The following SLIT3 variants were observed in gnomAD, a reference collection of about 807,000 sequenced individuals.
SLIT3 encodes the protein slit homolog 3 protein.
Under a neutral mutation model 184.0 loss-of-function variants are expected in SLIT3, and 68 were observed. The ratio of observed to expected loss-of-function variants is 0.37; its 90% CI spans 0.30 to 0.45. The LOEUF (loss-of-function observed/expected upper bound fraction) is 0.45, where lower values mean the gene tolerates loss of function less well. Among genes scored for constraint, SLIT3 ranks in the 20% least tolerant of loss-of-function variants. The pLI is 1.00. For synonymous variants in SLIT3, 831 were observed against 828.6 expected (o/e 1.00, Z -0.05); for missense variants, 1,707 against 2,026.0 (o/e 0.84, Z 3.02).
At chr5:169,105,482 A>G (rs2113241899) in intron 4 of SLIT3, among the ~76,000 whole-genome samples, 1 of 152,366 alleles carries the variant, frequency 6.6e-6, no homozygotes, top group African/African-American at 2.4e-5. Flanking sequence ...TGGTGAGAAC[A>G]CACTCGTCCA....
chr5:168,758,348 G>A (rs1279346851), intron 16 of SLIT3, among the ~76,000 whole-genome samples: 5 of 152,298 alleles, frequency 3.3e-5, no homozygotes, highest in East Asian at 3.9e-4. Flanking sequence ...GTATTTCTTC[G>A]CAGAAGCAAA....
chr5:169,094,332 C>T (rs1321568677), intron 4 of SLIT3, among the ~76,000 whole-genome samples: 3 of 152,158 alleles, frequency 2.0e-5, no homozygotes, highest in African/African-American at 7.2e-5. Flanking sequence ...AATTGTTTTT[C>T]GAAGCTATAG....
chr5:168,803,598 G>C (rs551946874), intron 9 of SLIT3, among the ~76,000 whole-genome samples: 13 of 152,308 alleles, frequency 8.5e-5, no homozygotes, highest in East Asian at 5.8e-4. Context: ...GAAGTGGAAG[G>C]GGGGTGGCAG....
chr5:169,020,595 TA>T (rs1249605363), intron 4 of SLIT3, among the ~76,000 whole-genome samples: 1 of 152,228 alleles, frequency 6.6e-6, no homozygotes, highest in Non-Finnish European at 1.5e-5. Flanking sequence ...TACATTGTAT[TA>T]AATTCATTTG....
Position 168,666,407 on chromosome 5 carries a change from C to T in SLIT3, c.*47G>A. 1 of 1,498,328 alleles carries T rather than the reference C, an allele frequency of 6.7e-7. No homozygotes were observed. The allele number at this position is 1,498,328 out of a possible 1,614,324, so 92.8% of individuals were successfully genotyped here. ...AGGGGGTCCCACATGGCTGTCCCAA[C>T]TCCATCAAGCTGGAGTCCGAGAGGT... On this transcript the variant is annotated 3_prime_UTR_variant, in exon 36 of 36. Coordinates refer to ENST00000519560, the MANE Select transcript of SLIT3 (RefSeq NM_003062.4).
chr5:168,886,970 A>G (rs1030350897), intron 4 of SLIT3, among the ~76,000 whole-genome samples: 4 of 152,164 alleles, frequency 2.6e-5, no homozygotes, highest in Admixed American at 2.6e-4. Context: ...CACCCTCCCC[A>G]CCTTTTTAAT....
At chr5:168,941,377 C>T (rs764776036) in intron 4 of SLIT3, among the ~76,000 whole-genome samples, 2 of 152,248 alleles carry the variant, frequency 1.3e-5, no homozygotes, top group South Asian at 4.2e-4. Flanking sequence ...CTTCCCACAC[C>T]TCCTTTTCTC....
chr5:168,864,144 A>T (rs1010035398), intron 5 of SLIT3, among the ~76,000 whole-genome samples: 4 of 152,114 alleles, frequency 2.6e-5, no homozygotes, highest in African/African-American at 9.7e-5. Context: ...CAGGAGGTCG[A>T]GGCTGCAGTG....
chr5:168,833,134 A>C (rs954480964), intron 6 of SLIT3, among the ~76,000 whole-genome samples: 2 of 152,182 alleles, frequency 1.3e-5, no homozygotes, highest in African/African-American at 4.8e-5. Flanking sequence ...TAAAGGTAAG[A>C]CTGTTTTCCA....
chr5:168,686,922 C>T (rs1582529144), intron 30 of SLIT3, 57 bp downstream of exon 30: 1 of 1,594,710 alleles, frequency 6.3e-7, no homozygotes, highest in African/African-American at 1.3e-5. Context: ...CCAGTCAGCC[C>T]CAGCCCCTGC....
At chr5:169,260,044 T>C (rs1289262278) in intron 1 of SLIT3, among the ~76,000 whole-genome samples, 3 of 152,142 alleles carry the variant, frequency 2.0e-5, no homozygotes, top group Admixed American at 1.3e-4. Flanking sequence ...TCCCACAGCA[T>C]AGCTATCTCA....
chr5:169,228,436 G>A (rs913055008), intron 3 of SLIT3, among the ~76,000 whole-genome samples: 4 of 152,138 alleles, frequency 2.6e-5, no homozygotes, highest in Middle Eastern at 3.2e-3. Context: ...ACGACTGCCC[G>A]GAGAAATTCT....
intron 4 of SLIT3, among the ~76,000 whole-genome samples, chr5:168,967,435 A>ATTTTTTTTT (rs556216624): frequency 2.0e-4 from 6 of 30,754 alleles, no homozygotes; most frequent in Non-Finnish European, 3.1e-4. Flanking sequence ...GCCATCTCAA[A>ATTTTTTTTT]TCTTTTTTTT....
intron 11 of SLIT3, among the ~76,000 whole-genome samples, chr5:168,786,755 G>A (rs1339399465): frequency 4.6e-5 from 7 of 152,236 alleles, no homozygotes; most frequent in South Asian, 4.2e-4. Flanking sequence ...GCTCAGGGGC[G>A]TCTTTATGCC....
chr5:169,197,411 A>C (rs1763774137), intron 3 of SLIT3, among the ~76,000 whole-genome samples: 2 of 152,246 alleles, frequency 1.3e-5, no homozygotes, highest in African/African-American at 4.8e-5. Context: ...AAAGATGATG[A>C]AGGCTCCAAG....
chr5:168,802,208 A>T (rs1756790752), intron 9 of SLIT3, among the ~76,000 whole-genome samples: 1 of 151,460 alleles, frequency 6.6e-6, no homozygotes, highest in Non-Finnish European at 1.5e-5. Flanking sequence ...ACTCCTATTC[A>T]TCCTGGGGTG....
At chr5:169,044,458 C>T (rs914087451) in intron 4 of SLIT3, among the ~76,000 whole-genome samples, 2 of 151,976 alleles carry the variant, frequency 1.3e-5, no homozygotes, top group Non-Finnish European at 2.9e-5. Context: ...ATCTTGAAAA[C>T]ATGCTAAATG....
intron 4 of SLIT3, among the ~76,000 whole-genome samples, chr5:168,985,282 C>T (rs1016834886): frequency 5.3e-5 from 8 of 152,178 alleles, no homozygotes; most frequent in South Asian, 2.1e-4. Context: ...AACTGAGCCA[C>T]GAATATGCCA....
chr5:169,107,591 A>G (rs1460736737), intron 4 of SLIT3, among the ~76,000 whole-genome samples: 4 of 152,168 alleles, frequency 2.6e-5, no homozygotes, highest in Admixed American at 6.5e-5. Flanking sequence ...GGCTTTTTAG[A>G]ATGACAAATG....
Sources: allele counts gnomAD v4.1 joint callset (sites outside exome capture counted in the v4.1 genomes callset), GRCh38; gene constraint gnomAD v4.1.1; transcripts MANE v1.5; gene names NCBI Gene and HGNC (gene_info 2026-07-23, HGNC 2026-07-21).